EYA4: variants seen among roughly 807,000 people sequenced by gnomAD.
EYA4 encodes the protein protein phosphatase EYA4.
EYA4 carries 31 observed loss-of-function variants against 87.9 expected under a neutral mutation model. That is an observed-to-expected ratio of 0.35 (90% CI 0.27 to 0.48). The LOEUF is 0.48. Ranked by LOEUF, EYA4 falls within the 20% of genes least tolerant of loss-of-function variation. The pLI is 0.99. For synonymous variants in EYA4, 263 were observed against 270.6 expected (o/e 0.97, Z 0.28); for missense variants, 678 against 761.4 (o/e 0.89, Z 1.29).
At chr6:133,325,397 T>C (rs1339226476) in intron 2 of EYA4, 1 of 152,156 alleles carries the variant, frequency 6.6e-6, no homozygotes, top group Non-Finnish European at 1.5e-5. Flanking sequence ...AGAAAGGACC[T>C]ATATCATCTT....
intron 13 of EYA4, 135 bp from the exon 14 acceptor site, chr6:133,505,971 A>G (rs1185800924): frequency 1.5e-6 from 1 of 673,078 alleles, no homozygotes; most frequent in East Asian, 2.8e-5. Flanking sequence ...TGGAAAACTG[A>G]GAAATCTTTT....
intron 2 of EYA4, among the ~76,000 whole-genome samples, chr6:133,359,602 A>G (rs924174439): frequency 6.6e-6 from 1 of 152,224 alleles, no homozygotes; most frequent in African/African-American, 2.4e-5. Flanking sequence ...GTGAGAGCCC[A>G]TTGGATTGTT....
intron 2 of EYA4, among the ~76,000 whole-genome samples, chr6:133,350,670 T>G (rs1460732477): frequency 6.6e-6 from 1 of 152,114 alleles, no homozygotes; most frequent in African/African-American, 2.4e-5. Flanking sequence ...CTCTATTCTT[T>G]GTCGTTTGCT....
rs1203988691 is a variant in EYA4 at position 133,523,127 on chromosome 6, G to C, written c.1688G>C (p.Ser563Thr). ...IPALAKVLLYSLGGAFPIENI... is the reference protein window; with the variant it reads ...IPALAKVLLYTLGGAFPIENI... ...GCACTTGCGAAGGTTCTACTCTATA[G>C]TTTAGGAGGTGCTTTCCCCATTGAG... The change falls in exon 18 of 20, where the codon AGT (serine) becomes ACT (threonine). Residue 563 changes from serine (S) to threonine (T), a missense_variant. Physicochemically the swap from Ser to Thr is moderately conservative, Grantham distance 58. Coordinates refer to ENST00000355286, the MANE Select transcript of EYA4 (RefSeq NM_004100.5). 3 of 1,612,410 alleles carry C rather than the reference G, an allele frequency of 1.9e-6. No individual in the cohort carries two copies. In the East Asian group the frequency reaches 6.7e-5, roughly 36 times the overall value.
chr6:133,346,013 G>T (rs1301223330), intron 2 of EYA4, among the ~76,000 whole-genome samples: 7 of 152,180 alleles, frequency 4.6e-5, no homozygotes, highest in Non-Finnish European at 8.8e-5. Context: ...ACTCCAGGAG[G>T]CGATAGACAC....
In EYA4 at chr6:133,483,068, G is replaced by C. The variant is rs767667928; in HGVS notation, c.1144G>C (p.Val382Leu). ...CTGGGATTTGGATGAAACCATCATTGTTTTTCACTCACTGCTCACCGGGTC... is the reference window on the plus strand; with the variant it reads ...CTGGGATTTGGATGAAACCATCATTCTTTTTCACTCACTGCTCACCGGGTC... ...FVWDLDETIIVFHSLLTGSYA... is the reference protein window; with the variant it reads ...FVWDLDETIILFHSLLTGSYA... Residue 382 changes from valine (V) to leucine (L), a missense_variant, in exon 13 of 20, where the codon GTT becomes CTT. By Grantham distance (32) the Val-to-Leu change is conservative. Transcript: ENST00000355286. The C allele has an allele frequency of 1.2e-5, 19 of 1,613,370 alleles. No homozygotes were observed. The highest frequency in any genetic ancestry group is 1.6e-5 in the Non-Finnish European group (19 of 1,179,626).
At chr6:133,384,771 G>A (rs1347299024) in intron 3 of EYA4, among the ~76,000 whole-genome samples, 3 of 152,090 alleles carry the variant, frequency 2.0e-5, no homozygotes, top group Non-Finnish European at 4.4e-5. Context: ...GGCACTTAAT[G>A]TATTGATGGA....
In EYA4 at chr6:133,390,509, A is replaced by G. The variant is rs540049023; in HGVS notation, c.83+8068A>G. Among the ~76,000 whole-genome samples the G allele has an allele frequency of 5.3e-5, 8 of 152,314 alleles. No individual in the cohort carries two copies. In the East Asian group the frequency reaches 1.5e-3, roughly 29 times the overall value. On this transcript the variant is annotated intron_variant, in intron 3 of 19. Transcript: ENST00000355286. ...AGTGCTGGGATTACAGGCGTGAGCC[A>G]CTGCACCTGGCCCTATTTCCCTTAT...
chr6:133,331,545 C>G (rs1484100848), intron 2 of EYA4, among the ~76,000 whole-genome samples: 1 of 152,184 alleles, frequency 6.6e-6, no homozygotes, highest in Admixed American at 6.5e-5. Context: ...CAGGAGTTGA[C>G]ATGGGCACAA....
At chr6:133,413,799 A>T (rs1009498955) in intron 3 of EYA4, among the ~76,000 whole-genome samples, 4 of 152,124 alleles carry the variant, frequency 2.6e-5, no homozygotes, top group African/African-American at 7.2e-5. Context: ...CTCTACTTGC[A>T]TATCCCTTGT....
At chr6:133,374,101 A>G (rs1353464403) in intron 2 of EYA4, among the ~76,000 whole-genome samples, 3 of 152,098 alleles carry the variant, frequency 2.0e-5, no homozygotes, top group East Asian at 1.9e-4. Context: ...GTGCTTTGGC[A>G]TTTTAAAGGT....
intron 5 of EYA4, among the ~76,000 whole-genome samples, chr6:133,452,670 T>C (rs1416969590): frequency 6.6e-6 from 1 of 151,978 alleles, no homozygotes; most frequent in African/African-American, 2.4e-5. Flanking sequence ...TTTTTAAAGC[T>C]AAAAAAATGG....
chr6:133,297,106 C>G (rs1015233498), intron 2 of EYA4, among the ~76,000 whole-genome samples: 3 of 152,112 alleles, frequency 2.0e-5, no homozygotes, highest in African/African-American at 7.2e-5. Context: ...ATGTAATGCT[C>G]TTTATCAAAT....
chr6:133,261,383 T>G (rs1775785518), intron 1 of EYA4, among the ~76,000 whole-genome samples: 1 of 152,246 alleles, frequency 6.6e-6, no homozygotes, highest in Non-Finnish European at 1.5e-5. Flanking sequence ...TTAAAATGTC[T>G]TAACATCCTG....
At chr6:133,374,352 A>G in intron 2 of EYA4, among the ~76,000 whole-genome samples, 1 of 151,916 alleles carries the variant, frequency 6.6e-6, no homozygotes, top group South Asian at 2.1e-4. Flanking sequence ...CCTCCCCCAA[A>G]CCAGGGTCCT....
chr6:133,281,519 T>C (rs1236376536), intron 2 of EYA4, among the ~76,000 whole-genome samples: 1 of 152,232 alleles, frequency 6.6e-6, no homozygotes, highest in Non-Finnish European at 1.5e-5. Flanking sequence ...ACTCCTATGA[T>C]TTCTTATATG....
At chr6:133,324,688 T>C (rs2128365219) in intron 2 of EYA4, among the ~76,000 whole-genome samples, 1 of 152,238 alleles carries the variant, frequency 6.6e-6, no homozygotes, top group Non-Finnish European at 1.5e-5. Context: ...TGATCCAGGC[T>C]GGTTCTCAGC....
At chr6:133,330,955 A>C (rs1781894597) in intron 2 of EYA4, among the ~76,000 whole-genome samples, 1 of 150,720 alleles carries the variant, frequency 6.6e-6, no homozygotes, top group Admixed American at 6.6e-5. Context: ...ACTTTGTGAG[A>C]ATTTTTATGT....
chr6:133,478,674 C>G (rs1361499406), intron 11 of EYA4, among the ~76,000 whole-genome samples: 1 of 152,180 alleles, frequency 6.6e-6, no homozygotes, highest in African/African-American at 2.4e-5. Context: ...CAAAACACTT[C>G]TGCAGATATT....
Sources: gnomAD v4.1 joint callset for allele counts (sites outside exome capture counted in the v4.1 genomes callset) on GRCh38, gnomAD v4.1.1 for gene constraint, MANE v1.5 for transcripts, NCBI Gene and HGNC (gene_info 2026-07-23, HGNC 2026-07-21) for gene names.